The following ADD2 variants were observed in gnomAD, a reference collection of about 807,000 sequenced individuals.
The protein encoded by ADD2 is beta-adducin.
In ADD2, 23 loss-of-function variants were observed where a neutral mutation model predicts 83.0. That is an observed-to-expected ratio of 0.28 (90% CI 0.20 to 0.39). ADD2 has a LOEUF of 0.39. ADD2 is among the 10% of genes least tolerant of loss of function. The pLI is 1.00. For synonymous variants in ADD2, 375 were observed against 375.4 expected, an observed-to-expected ratio of 1.00 and a Z score of 0.01; for missense variants, 758 against 944.9, an observed-to-expected ratio of 0.80 and a Z score of 2.59.
intron 12 of ADD2, among the ~76,000 whole-genome samples, chr2:70,677,201 C>G (rs531880323): frequency 6.6e-6 from 1 of 152,006 alleles, no homozygotes; most frequent in Admixed American, 6.5e-5. Flanking sequence ...AGGCACCCCC[C>G]ACCATTGAAT....
chr2:70,721,422 C>A (rs1407042382), intron 1 of ADD2, among the ~76,000 whole-genome samples: 4 of 152,188 alleles, frequency 2.6e-5, no homozygotes, highest in Non-Finnish European at 4.4e-5. Flanking sequence ...ACTAAGGATA[C>A]CAGCTTTCTG....
intron 12 of ADD2, among the ~76,000 whole-genome samples, chr2:70,677,204 C>A (rs1162264718): frequency 6.6e-6 from 1 of 152,000 alleles, no homozygotes; most frequent in African/African-American, 2.4e-5. Context: ...CACCCCCCAC[C>A]ATTGAATCTG....
chr2:70,715,814 A>C, intron 1 of ADD2, among the ~76,000 whole-genome samples: 2 of 147,500 alleles, frequency 1.4e-5, no homozygotes, highest in South Asian at 2.3e-4. Flanking sequence ...TCCCACCTTG[A>C]CTCCCTCTTT....
chr2:70,759,386 G>T (rs528509279), intron 1 of ADD2, among the ~76,000 whole-genome samples: 1 of 152,250 alleles, frequency 6.6e-6, no homozygotes, highest in Admixed American at 6.5e-5. Context: ...GTTTGAAGCT[G>T]GATATATTAA....
At chr2:70,741,954 T>C (rs1449986244) in intron 1 of ADD2, among the ~76,000 whole-genome samples, 2 of 152,212 alleles carry the variant, frequency 1.3e-5, no homozygotes, top group African/African-American at 4.8e-5. Flanking sequence ...ATTTCTCTAA[T>C]CAATAATAAA....
chr2:70,678,896 C>G lies in ADD2; in HGVS notation c.1191G>C (p.Glu397Asp). 6.2e-7 allele frequency: 1 copy of G among 1,614,224 alleles called. No individual in the cohort carries two copies. Among genetic ancestry groups the G allele is most frequent in the Non-Finnish European group, 8.5e-7 (1 of 1,180,040 alleles). Residue 397 changes from glutamate to aspartate, a missense_variant, in exon 11 of 16, where the codon GAG becomes GAC. Glu to Asp is a conservative substitution (Grantham distance 45, BLOSUM62 2). Around this residue, in one of 5 missense-constraint regions of ADD2, gnomAD observed 394 missense variants for 509.3 expected, o/e 0.77. Transcript: ENST00000264436. ...CTGTGACCGTGGCTGGAATCTCCACCTCACTTTTGTGTTTGGTTTTCTCTT... is the reference window on the plus strand; with the variant it reads ...CTGTGACCGTGGCTGGAATCTCCACGTCACTTTTGTGTTTGGTTTTCTCTT... ...FVQEKTKHKSEVEIPATVTAF... is the reference protein window; with the variant it reads ...FVQEKTKHKSDVEIPATVTAF...
At chr2:70,718,701 G>T (rs6546621) in intron 1 of ADD2, among the ~76,000 whole-genome samples, 6,531 of 152,236 alleles carry the variant, frequency 0.043, 493 homozygotes, top group African/African-American at 0.15. Context: ...CTGGTTTTTC[G>T]GGAGAGGAAA....
chr2:70,732,830 C>T (rs1260030177), intron 1 of ADD2, among the ~76,000 whole-genome samples: 1 of 152,168 alleles, frequency 6.6e-6, no homozygotes, highest in East Asian at 1.9e-4. Flanking sequence ...CAGCTCACCA[C>T]TGGTTATTTG....
At chr2:70,756,429 T>C (rs1674795386) in intron 1 of ADD2, among the ~76,000 whole-genome samples, 1 of 152,202 alleles carries the variant, frequency 6.6e-6, no homozygotes, top group East Asian at 1.9e-4. Flanking sequence ...TCACCCTGGA[T>C]TGAGACATTG....
rs1333279437 is a variant in ADD2 at position 70,677,857 on chromosome 2, C to T, written c.1404G>A (p.Val468=). The T allele has an allele frequency of 8.1e-6, 13 of 1,614,124 alleles. No homozygotes were observed. The highest frequency in any genetic ancestry group is 1.3e-5 in the African/African-American group (1 of 74,942). Residue 468 remains valine, a synonymous_variant, in exon 12 of 16, where the codon GTG becomes GTA. Transcript: ENST00000264436. ...PKTTWMKADE[V]EKSSSGMPIR... ...TCGGCATGCCACTGCTGGATTTCTCCACCTCGTCAGCCTTCATCCACTGCA... is the reference window on the plus strand; with the variant it reads ...TCGGCATGCCACTGCTGGATTTCTCTACCTCGTCAGCCTTCATCCACTGCA...
intron 1 of ADD2, among the ~76,000 whole-genome samples, chr2:70,762,412 A>C (rs1312476652): frequency 6.6e-6 from 1 of 151,776 alleles, no homozygotes; most frequent in East Asian, 1.9e-4. Flanking sequence ...CAAGGGTCAC[A>C]ACATTTGTGT....
chr2:70,659,054 A>C lies in ADD2; in HGVS notation c.*4371T>G, dbSNP rs781985400. The C allele has an allele frequency of 6.6e-6, 1 of 150,770 alleles. No individual in the cohort carries two copies. Among genetic ancestry groups the C allele is most frequent in the Non-Finnish European group, 1.5e-5 (1 of 67,810 alleles). The allele number at this position is 150,770 out of a possible 1,614,324, so 9.3% of individuals were successfully genotyped here. ...GCTACTTGGGAGGCTGAGACAGAAGAATCGCTTGAAAAACCGGGAGGCAGA... is the reference window on the plus strand; with the variant it reads ...GCTACTTGGGAGGCTGAGACAGAAGCATCGCTTGAAAAACCGGGAGGCAGA... On this transcript the variant is annotated 3_prime_UTR_variant, in exon 16 of 16. Coordinates refer to ENST00000264436, the MANE Select transcript of ADD2 (RefSeq NM_001617.4).
intron 10 of ADD2, among the ~76,000 whole-genome samples, chr2:70,679,685 A>G (rs1553369191): frequency 2.2e-5 from 3 of 137,426 alleles, no homozygotes; most frequent in Non-Finnish European, 3.1e-5. Context: ...ATGTAGAAAA[A>G]TTAAGCAAAA....
intron 1 of ADD2, among the ~76,000 whole-genome samples, chr2:70,716,964 T>C (rs1213167734): frequency 3.3e-5 from 5 of 152,104 alleles, no homozygotes; most frequent in African/African-American, 1.2e-4. Flanking sequence ...AAGGTAATAT[T>C]ACATACCATG....
chr2:70,742,868 TG>T (rs1250070191), intron 1 of ADD2, among the ~76,000 whole-genome samples: 4 of 152,164 alleles, frequency 2.6e-5, no homozygotes, highest in Non-Finnish European at 5.9e-5. Flanking sequence ...CTTAATGTTA[TG>T]TTTTTTTAAG....
chr2:70,708,178 C>T (rs1553374854), intron 2 of ADD2, among the ~76,000 whole-genome samples: 1 of 152,328 alleles, frequency 6.6e-6, no homozygotes, highest in African/African-American at 2.4e-5. Context: ...GCCATCCCAT[C>T]AGCCCAGAAT....
At chr2:70,718,651 C>A (rs1478031930) in intron 1 of ADD2, among the ~76,000 whole-genome samples, 1 of 152,118 alleles carries the variant, frequency 6.6e-6, no homozygotes, top group Admixed American at 6.5e-5. Flanking sequence ...CAATAAGTGC[C>A]CAGTGCTATG....
At chr2:70,747,595 T>C (rs75053607) in intron 1 of ADD2, among the ~76,000 whole-genome samples, 3,012 of 152,302 alleles carry the variant, frequency 0.02, 50 homozygotes, top group Middle Eastern at 0.027. Flanking sequence ...TCATGCTATA[T>C]GCCTTCCTAT....
chr2:70,716,084 T>G (rs936038467), intron 1 of ADD2, among the ~76,000 whole-genome samples: 3 of 152,190 alleles, frequency 2.0e-5, no homozygotes, highest in African/African-American at 7.2e-5. Context: ...TTAGCCTTTA[T>G]TACCAAAATG....
Sources: allele counts gnomAD v4.1 joint callset (sites outside exome capture counted in the v4.1 genomes callset), GRCh38; gene constraint gnomAD v4.1.1; regional missense constraint gnomAD v4.1.1; transcripts MANE v1.5; gene names NCBI Gene and HGNC (gene_info 2026-07-23, HGNC 2026-07-21).